XPR1: variants seen among roughly 807,000 people sequenced by gnomAD.
XPR1 encodes the protein solute carrier family 53 member 1.
Under a neutral mutation model 87.5 loss-of-function variants are expected in XPR1, and 28 were observed. The ratio of observed to expected loss-of-function variants is 0.32; its 90% CI spans 0.24 to 0.44. The LOEUF (loss-of-function observed/expected upper bound fraction) is 0.44, where lower values mean the gene tolerates loss of function less well. Ranked by LOEUF, XPR1 falls within the 20% of genes least tolerant of loss-of-function variation. XPR1 has a pLI of 1.00. For synonymous variants in XPR1, 300 were observed against 306.1 expected, an observed-to-expected ratio of 0.98 and a Z score of 0.21; for missense variants, 559 against 862.3, an observed-to-expected ratio of 0.65 and a Z score of 4.41.
chr1:180,632,448 C>T (rs1053433504), intron 1 of XPR1, among the ~76,000 whole-genome samples, 178 bp downstream of exon 1: 8 of 152,012 alleles, frequency 5.3e-5, no homozygotes, highest in African/African-American at 1.7e-4. Context: ...GCTCCGCTGT[C>T]CTTCCCCTCC....
At chr1:180,767,709 T>G (rs1648340229) in intron 2 of XPR1, among the ~76,000 whole-genome samples, 1 of 152,208 alleles carries the variant, frequency 6.6e-6, no homozygotes, top group African/African-American at 2.4e-5. Flanking sequence ...CACAGATTAT[T>G]ACCCTGATTC....
intron 7 of XPR1, among the ~76,000 whole-genome samples, chr1:180,816,775 C>T (rs1006621994): frequency 2.6e-5 from 4 of 152,182 alleles, no homozygotes; most frequent in African/African-American, 7.2e-5. Context: ...AATTCATGTA[C>T]ATAATACTTG....
intron 1 of XPR1, among the ~76,000 whole-genome samples, chr1:180,640,144 A>C (rs537689342): frequency 4.6e-5 from 7 of 152,350 alleles, no homozygotes; most frequent in African/African-American, 1.7e-4. Flanking sequence ...GCTTAGAGAG[A>C]TCAGTAATTT....
chr1:180,836,194 A>G (rs1651284582), intron 10 of XPR1, among the ~76,000 whole-genome samples: 1 of 152,070 alleles, frequency 6.6e-6, no homozygotes, highest in South Asian at 2.1e-4. Flanking sequence ...CCCCATGTCT[A>G]CTAAAAATAC....
intron 2 of XPR1, among the ~76,000 whole-genome samples, chr1:180,703,778 C>G (rs1164428694): frequency 6.6e-6 from 1 of 152,142 alleles, no homozygotes; most frequent in Non-Finnish European, 1.5e-5. Context: ...CCATTTGGTA[C>G]AGAAGGCACT....
chr1:180,661,395 T>C (rs1299581266), intron 1 of XPR1, among the ~76,000 whole-genome samples: 1 of 152,130 alleles, frequency 6.6e-6, no homozygotes, highest in African/African-American at 2.4e-5. Context: ...ATTTGTTTTC[T>C]GGTAGTCTCT....
chr1:180,656,470 T>TATATATTATATATAATA (rs1655497359), intron 1 of XPR1, among the ~76,000 whole-genome samples: 1 of 11,270 alleles, frequency 8.9e-5, no homozygotes, highest in African/African-American at 4.1e-4. Flanking sequence ...TATATAATAT[T>TATATATTATATATAATA]TATACATTAT....
At chr1:180,825,444 C>T (rs1197568331) in intron 9 of XPR1, 100 bp downstream of exon 9, 8 of 1,243,454 alleles carry the variant, frequency 6.4e-6, no homozygotes, top group Admixed American at 2.6e-5. Context: ...ACTGCAGAGG[C>T]CGTGGTTCAC....
chr1:180,760,738 C>G (rs893547236), intron 2 of XPR1, among the ~76,000 whole-genome samples: 1 of 152,158 alleles, frequency 6.6e-6, no homozygotes, highest in African/African-American at 2.4e-5. Flanking sequence ...TACCAATGGA[C>G]TTTCTTCACA....
intron 2 of XPR1, among the ~76,000 whole-genome samples, chr1:180,743,539 A>C (rs1031464813): frequency 6.6e-5 from 10 of 152,130 alleles, no homozygotes; most frequent in Admixed American, 3.9e-4. Context: ...CTCAAGAAGA[A>C]TAGTTCATTA....
chr1:180,773,391 A>C (rs1281031455), intron 2 of XPR1, among the ~76,000 whole-genome samples: 1 of 152,222 alleles, frequency 6.6e-6, no homozygotes, highest in Non-Finnish European at 1.5e-5. Context: ...GAGAAGTAGC[A>C]CTGACTCTTG....
intron 2 of XPR1, among the ~76,000 whole-genome samples, chr1:180,718,730 G>A (rs562027763): frequency 6.0e-5 from 9 of 149,712 alleles, no homozygotes; most frequent in Admixed American, 4.7e-4. Context: ...GTGCAGTGGC[G>A]CAATCTCGGC....
chr1:180,673,379 T>C, intron 1 of XPR1, among the ~76,000 whole-genome samples: 1 of 152,262 alleles, frequency 6.6e-6, no homozygotes, highest in East Asian at 1.9e-4. Flanking sequence ...GGGATCTGCA[T>C]ATATTTTCTT....
intron 2 of XPR1, among the ~76,000 whole-genome samples, chr1:180,703,464 G>T (rs575613064): frequency 6.6e-6 from 1 of 152,108 alleles, no homozygotes; most frequent in Non-Finnish European, 1.5e-5. Flanking sequence ...GATGATGTGC[G>T]CAGGTGTTGG....
chr1:180,687,988 A>G (rs969161975), intron 2 of XPR1, among the ~76,000 whole-genome samples: 5 of 151,306 alleles, frequency 3.3e-5, no homozygotes, highest in Non-Finnish European at 5.9e-5. Context: ...TTTACATTGG[A>G]AATATGTGAC....
chr1:180,839,652 G>A (rs931402731), intron 11 of XPR1, among the ~76,000 whole-genome samples: 7 of 151,996 alleles, frequency 4.6e-5, no homozygotes, highest in Admixed American at 3.9e-4. Context: ...TAAAAGAAAC[G>A]GTTTGTTATG....
At chr1:180,653,215 A>T (rs1300313256) in intron 1 of XPR1, among the ~76,000 whole-genome samples, 1 of 152,192 alleles carries the variant, frequency 6.6e-6, no homozygotes, top group African/African-American at 2.4e-5. Flanking sequence ...GCTAACCTGT[A>T]CAGGGTTAGC....
intron 1 of XPR1, among the ~76,000 whole-genome samples, chr1:180,644,593 C>G (rs1430413134): frequency 2.0e-5 from 3 of 151,910 alleles, no homozygotes; most frequent in Non-Finnish European, 4.4e-5. Context: ...TTAGATTCTA[C>G]CTGTAAAACA....
chr1:180,793,493 G>A lies in XPR1; in HGVS notation c.223+5639G>A, dbSNP rs568848448. 5.3e-4 allele frequency among the ~76,000 whole-genome samples: 56 copies of A among 105,366 alleles called. 3 individuals are homozygous for A. In the East Asian group the frequency reaches 0.012, roughly 22 times the overall value. The allele number at this position is 105,366 out of a possible 152,430, so 69.1% of individuals were successfully genotyped here. A position where few individuals can be genotyped will look rare whatever the true frequency, so the allele number is the denominator to read the frequency against. The stretch of plus-strand genomic sequence containing the variant: ...ATGGCTGGTTTTGTTCTTTGCTCAT[G>A]TGTGTGTTAAAATGTAGATTAAGTA... On this transcript the variant is annotated intron_variant, in intron 3 of 14. Transcript: ENST00000367590.
Sources: gnomAD v4.1 joint callset for allele counts (sites outside exome capture counted in the v4.1 genomes callset) on GRCh38, gnomAD v4.1.1 for gene constraint, MANE v1.5 for transcripts, NCBI Gene and HGNC (gene_info 2026-07-23, HGNC 2026-07-21) for gene names.